SLC25A36: variants seen among roughly 807,000 people sequenced by gnomAD.
SLC25A36 encodes the protein epididymis secretory sperm binding protein.
A neutral mutation model predicts 35.3 loss-of-function variants in SLC25A36; 24 were observed. The observed-to-expected ratio is 0.68, with a 90% CI of 0.49 to 0.96. SLC25A36 has a LOEUF of 0.96. SLC25A36 is among the 40% of genes least tolerant of loss of function. The pLI is 0.00. For synonymous variants in SLC25A36, 141 were observed against 132.2 expected, an observed-to-expected ratio of 1.07 and a Z score of -0.46; for missense variants, 294 against 381.1, an observed-to-expected ratio of 0.77 and a Z score of 1.90.
In SLC25A36 at chr3:140,966,972, C is replaced by T. The variant is rs1289746321; in HGVS notation, c.385+3745C>T. On this transcript the variant is annotated intron_variant, in intron 4 of 6. Coordinates refer to ENST00000324194, the MANE Select transcript of SLC25A36 (RefSeq NM_001104647.3). ...ATTTCTCCCGAGAAAAGAGTGAGAT[C>T]GTGTCATCTCATGCTCCCCATCCGC... 8.8e-6 allele frequency: 4 copies of T among 456,026 alleles called. No homozygotes were observed. The Middle Eastern group carries it at 9.7e-4, about 110-fold the overall frequency. 28.2% of individuals were successfully genotyped at this position (456,026 alleles called of 1,614,324 possible).
At chr3:140,970,035 A>C (rs1934861835) in intron 4 of SLC25A36, among the ~76,000 whole-genome samples, 1 of 151,944 alleles carries the variant, frequency 6.6e-6, no homozygotes, top group African/African-American at 2.4e-5. Flanking sequence ...TTCTGTCATC[A>C]AGACTGTATT....
At chr3:140,949,181 G>A (rs991250458) in intron 1 of SLC25A36, among the ~76,000 whole-genome samples, 1 of 152,002 alleles carries the variant, frequency 6.6e-6, no homozygotes, top group Non-Finnish European at 1.5e-5. Context: ...GTCCATAAAG[G>A]CCCTTAAGGT....
At chr3:140,963,559 TCTC>T (rs1934686093) in intron 4 of SLC25A36, 1 of 164,930 alleles carries the variant, frequency 6.1e-6, no homozygotes, top group African/African-American at 2.4e-5. Context: ...TTTACTCTTC[TCTC>T]CTCAATTTCT....
intron 4 of SLC25A36, chr3:140,964,087 A>G (rs2107803630): frequency 6.6e-6 from 1 of 152,106 alleles, no homozygotes; most frequent in East Asian, 1.9e-4. Context: ...AGCTGCTTTC[A>G]TCAGCTATTG....
intron 4 of SLC25A36, chr3:140,966,381 T>C (rs1442324671): frequency 1.9e-5 from 6 of 322,474 alleles, no homozygotes; most frequent in Non-Finnish European, 3.8e-5. Flanking sequence ...TAATGCAAAA[T>C]ATTTCATAAG....
At chr3:140,942,936 A>G (rs1934057059) in intron 1 of SLC25A36, among the ~76,000 whole-genome samples, 1 of 152,178 alleles carries the variant, frequency 6.6e-6, no homozygotes, top group African/African-American at 2.4e-5. Flanking sequence ...TCTGCTGCTT[A>G]GGAGAAAGTA....
At chr3:140,971,370 A>C (rs975290311) in intron 5 of SLC25A36, among the ~76,000 whole-genome samples, 1 of 152,052 alleles carries the variant, frequency 6.6e-6, no homozygotes, top group Non-Finnish European at 1.5e-5. Context: ...TCTAGACTGA[A>C]TCTTTGAGGA....
intron 2 of SLC25A36, 174 bp downstream of exon 2, chr3:140,956,865 G>T (rs112990549): frequency 0.019 from 20,792 of 1,076,974 alleles, 264 homozygotes; most frequent in Non-Finnish European, 0.022. Flanking sequence ...AGAACAGTTA[G>T]ACAGATAAGA....
rs57139286 is a variant in SLC25A36 at position 140,977,445 on chromosome 3, T to C, written c.*992T>C. ...GTTTTGCCATTTTAAGGTGACAATA[T>C]TTGGGACAGTATAAATATTATAGAC... On this transcript the variant is annotated 3_prime_UTR_variant, in exon 7 of 7. Transcript: ENST00000324194. The C allele has an allele frequency of 1.3e-5, 2 of 151,380 alleles. No individual in the cohort carries two copies. The highest frequency in any genetic ancestry group is 2.0e-4 in the East Asian group (1 of 5,086). 9.4% of individuals were successfully genotyped at this position (151,380 alleles called of 1,614,324 possible).
intron 4 of SLC25A36, among the ~76,000 whole-genome samples, chr3:140,967,713 TCTTA>T (rs1559815838): frequency 6.6e-6 from 1 of 151,988 alleles, no homozygotes; most frequent in Admixed American, 6.6e-5. Context: ...TCAAATGGAA[TCTTA>T]CTTAGATAAA....
chr3:140,959,008 G>GTGTGT (rs1934559615), intron 2 of SLC25A36, among the ~76,000 whole-genome samples: 1 of 91,446 alleles, frequency 1.1e-5, no homozygotes, highest in Non-Finnish European at 2.2e-5. Context: ...GTGTGTGTGT[G>GTGTGT]TTTTCTTTTT....
intron 4 of SLC25A36, chr3:140,968,663 A>G (rs1159046846): frequency 1.2e-4 from 119 of 980,916 alleles, no homozygotes; most frequent in Non-Finnish European, 1.3e-4. Flanking sequence ...AAAGTTTTTT[A>G]TATATGGGTT....
At chr3:140,949,704 T>C (rs1934267462) in intron 1 of SLC25A36, among the ~76,000 whole-genome samples, 1 of 152,244 alleles carries the variant, frequency 6.6e-6, no homozygotes, top group African/African-American at 2.4e-5. Context: ...ATTTTTGATG[T>C]TACAAAGTAA....
At chr3:140,974,134 T>A in intron 6 of SLC25A36, 129 bp downstream of exon 6, 1 of 627,310 alleles carries the variant, frequency 1.6e-6, no homozygotes, top group South Asian at 2.4e-5. Context: ...CATAATGAGA[T>A]TAAATCTGGT....
chr3:140,964,941 AATGTTAACAT>A (rs1934722954), intron 4 of SLC25A36: 1 of 151,884 alleles, frequency 6.6e-6, no homozygotes, highest in Non-Finnish European at 1.5e-5. Flanking sequence ...AATGTGTACA[AATGTTAACAT>A]ATAGTTCATT....
intron 3 of SLC25A36, 122 bp downstream of exon 3, chr3:140,959,662 A>G (rs1316251384): frequency 2.2e-6 from 1 of 445,812 alleles, no homozygotes; most frequent in Non-Finnish European, 4.0e-6. Context: ...TGTTTATGGG[A>G]AGTTAAAATA....
chr3:140,950,369 G>A (rs1259438743), intron 1 of SLC25A36, among the ~76,000 whole-genome samples: 1 of 151,308 alleles, frequency 6.6e-6, no homozygotes, highest in Non-Finnish European at 1.5e-5. Flanking sequence ...TCATCTGTCA[G>A]TCTTTTTTCC....
At position 140,942,047 on chromosome 3, in the gene SLC25A36, G is replaced by C. The variant is rs1158830159; in HGVS notation, c.-8G>C. Reference sequence around the variant, plus strand: ...GCCTCAGCGGCCGGAGGACATGCGGGAGAGAGAATGAGCCAGAGGGACACG... The same window carrying C: ...GCCTCAGCGGCCGGAGGACATGCGGCAGAGAGAATGAGCCAGAGGGACACG... On this transcript the variant is annotated 5_prime_UTR_variant, in exon 1 of 7. Coordinates refer to ENST00000324194, the MANE Select transcript of SLC25A36 (RefSeq NM_001104647.3). 14 of 1,478,134 alleles carry C rather than the reference G, an allele frequency of 9.5e-6. No homozygotes were observed. The highest frequency in any genetic ancestry group is 1.2e-5 in the Non-Finnish European group (13 of 1,093,146). 91.6% of individuals were successfully genotyped at this position (1,478,134 alleles called of 1,614,324 possible). A position where few individuals can be genotyped will look rare whatever the true frequency, so the allele number is the denominator to read the frequency against.
intron 1 of SLC25A36, among the ~76,000 whole-genome samples, chr3:140,946,282 G>A (rs956326654): frequency 3.7e-4 from 57 of 152,180 alleles, no homozygotes; most frequent in African/African-American, 1.3e-3. Context: ...TAAAGACTTG[G>A]AAGGGAGAGA....
Sources: gnomAD v4.1 joint callset for allele counts (sites outside exome capture counted in the v4.1 genomes callset) on GRCh38, gnomAD v4.1.1 for gene constraint, MANE v1.5 for transcripts, NCBI Gene and HGNC (gene_info 2026-07-23, HGNC 2026-07-21) for gene names.